BRWD1: variants seen among roughly 807,000 people sequenced by gnomAD.
BRWD1 encodes bromodomain and WD repeat domain containing 1.
BRWD1 carries 82 observed loss-of-function variants against 251.2 expected under a neutral mutation model. The observed-to-expected ratio is 0.33, with a 90% CI of 0.27 to 0.39. The LOEUF (loss-of-function observed/expected upper bound fraction) is 0.39. BRWD1 is among the 10% of genes least tolerant of loss of function. The pLI is 1.00. For missense variants in BRWD1, 2,233 were observed against 2,711.6 expected (o/e 0.82, Z 3.92); for synonymous variants, 918 against 902.8 (o/e 1.02, Z -0.30).
Position 39,193,822 on chromosome 21 carries a change from A to G in BRWD1, c.*2437T>C, listed in dbSNP as rs2031677218. On this transcript the variant is annotated 3_prime_UTR_variant, in exon 41 of 41. Coordinates refer to ENST00000342449, the MANE Select transcript of BRWD1 (RefSeq NM_033656.4). ...AAGGCCAAACATGTTCTAGTGCTCA[A>G]TGTAAACATTTTAACTATTAATGAT... 3 of 985,520 alleles carry G rather than the reference A, an allele frequency of 3.0e-6. No homozygotes were observed. The highest frequency in any genetic ancestry group is 2.4e-6 in the Non-Finnish European group (2 of 829,638). 61.0% of individuals were successfully genotyped at this position (985,520 alleles called of 1,614,324 possible).
intron 21 of BRWD1, among the ~76,000 whole-genome samples, chr21:39,246,883 C>A (rs965723364): frequency 3.3e-5 from 5 of 152,106 alleles, no homozygotes; most frequent in Admixed American, 2.6e-4. Context: ...GAGATCCAGA[C>A]CATCCTAGCC....
chr21:39,278,279 T>C (rs1241282621), intron 10 of BRWD1, among the ~76,000 whole-genome samples: 1 of 152,216 alleles, frequency 6.6e-6, no homozygotes, highest in Non-Finnish European at 1.5e-5. Flanking sequence ...GTTCAAGTTT[T>C]CAGATTTTAT....
At chr21:39,272,956 A>C (rs1044485458) in intron 13 of BRWD1, among the ~76,000 whole-genome samples, 8 of 152,220 alleles carry the variant, frequency 5.3e-5, no homozygotes, top group Non-Finnish European at 1.2e-4. Flanking sequence ...GTTCCATTTC[A>C]TCAAGTTGAT....
upstream of BRWD1, among the ~76,000 whole-genome samples, chr21:39,317,911 A>G (rs1202750115): frequency 1.3e-5 from 2 of 152,062 alleles, no homozygotes. Context: ...TAGTCCATGC[A>G]TGGTGTTGGG....
chr21:39,282,959 CAAAAAAAA>C (rs71269097), intron 8 of BRWD1, among the ~76,000 whole-genome samples: 77 of 88,916 alleles, frequency 8.7e-4, no homozygotes, highest in African/African-American at 3.1e-3. Context: ...AACTCCGTCA[CAAAAAAAA>C]AAAAAAAAAG....
At chr21:39,299,926 G>C (rs1409187103) in intron 4 of BRWD1, among the ~76,000 whole-genome samples, 4 of 152,002 alleles carry the variant, frequency 2.6e-5, no homozygotes, top group Middle Eastern at 3.4e-3. Context: ...AGGTTGCAGT[G>C]AACCAAGATC....
Position 39,269,973 on chromosome 21 carries a change from A to T in BRWD1, c.1456T>A (p.Ser486Thr). 1 of 1,595,342 alleles carries T rather than the reference A, an allele frequency of 6.3e-7. No individual in the cohort carries two copies. The highest frequency in any genetic ancestry group is 8.5e-7 in the Non-Finnish European group (1 of 1,169,990). Residue 486 changes from serine to threonine, a missense_variant, in exon 15 of 41, where the codon TCT (serine) becomes ACT (threonine). This residue lies in a region of BRWD1 where 315 missense variants were observed against 421.8 expected (regional missense o/e 0.75). Transcript: ENST00000342449. Reference sequence around the variant, plus strand: ...AATATGCTGCCATCATGTCCTGCAGATAACATAATTCTGGAATCAAAGGGA... The same window carrying T: ...AATATGCTGCCATCATGTCCTGCAGTTAACATAATTCTGGAATCAAAGGGA... ...THPFDSRIML[S>T]AGHDGSIFIW...
Position 39,194,842 on chromosome 21 carries a change from C to T in BRWD1, c.*1417G>A. The T allele has an allele frequency of 6.5e-7, 1 of 1,533,662 alleles. No individual in the cohort carries two copies. The highest frequency in any genetic ancestry group is 8.7e-7 in the Non-Finnish European group (1 of 1,145,096). ...CACCTTATCTGCCACTTCAAAGATA[C>T]ACAGGAGAAAAGGGTTAATTTTGTC... On this transcript the variant is annotated 3_prime_UTR_variant, in exon 41 of 41. Coordinates refer to ENST00000342449, the MANE Select transcript of BRWD1 (RefSeq NM_033656.4).
At chr21:39,242,710 T>C (rs926743734) in intron 21 of BRWD1, among the ~76,000 whole-genome samples, 3 of 152,208 alleles carry the variant, frequency 2.0e-5, no homozygotes, top group Non-Finnish European at 4.4e-5. Context: ...AGCTGGTAAC[T>C]TTCAACTGAA....
intron 34 of BRWD1, 140 bp from the exon 35 acceptor site, chr21:39,211,069 A>G: frequency 1.2e-6 from 1 of 837,720 alleles, no homozygotes; most frequent in African/African-American, 1.8e-5. Context: ...CAGAAATGAA[A>G]TTTTTAAACT....
chr21:39,211,029 G>A, intron 34 of BRWD1, 100 bp from the exon 35 acceptor site: 1 of 1,191,156 alleles, frequency 8.4e-7, no homozygotes. Flanking sequence ...ATACAATAAT[G>A]TCATATATGT....
At chr21:39,279,664 A>AAAAAAG (rs1568945560) in intron 9 of BRWD1, among the ~76,000 whole-genome samples, 2 of 87,652 alleles carry the variant, frequency 2.3e-5, no homozygotes, top group Non-Finnish European at 3.5e-5. Context: ...AAAGAAAAAA[A>AAAAAAG]AAAAGAAAAC....
At position 39,192,758 on chromosome 21, in the gene BRWD1, C is replaced by G. The variant is rs1555844734; in HGVS notation, c.*3501G>C. On this transcript the variant is annotated 3_prime_UTR_variant, in exon 41 of 41. Transcript: ENST00000342449. The stretch of plus-strand genomic sequence containing the variant: ...TGATACAATGGAGTGGAAAGGAAAA[C>G]AAAAAAGATCGTAAGCACCTTTAAC... 3.0e-6 allele frequency: 3 copies of G among 984,846 alleles called. No homozygotes were observed. Among genetic ancestry groups the G allele is most frequent in the Non-Finnish European group, 3.6e-6 (3 of 829,610 alleles). The allele number at this position is 984,846 out of a possible 1,614,324, so 61.0% of individuals were successfully genotyped here.
rs2035226480 is a variant in BRWD1 at position 39,274,728 on chromosome 21, T to C, written c.1146-256A>G. Among the ~76,000 whole-genome samples, 7 of 152,292 alleles carry C rather than the reference T, an allele frequency of 4.6e-5. No individual in the cohort carries two copies. The South Asian group carries it at 1.4e-3, about 32-fold the overall frequency. Reference sequence around the variant, plus strand: ...ATAGCTTTTCAAACAGATTAAGTTTTGAAAATACAATGTATAAGAATGCTG... The same window carrying C: ...ATAGCTTTTCAAACAGATTAAGTTTCGAAAATACAATGTATAAGAATGCTG... On this transcript the variant is annotated intron_variant, in intron 12 of 40. Transcript: ENST00000342449.
At chr21:39,265,860 G>T (rs899391042) in intron 15 of BRWD1, among the ~76,000 whole-genome samples, 3 of 152,214 alleles carry the variant, frequency 2.0e-5, no homozygotes, top group Admixed American at 1.3e-4. Flanking sequence ...CCCTAACAGA[G>T]ATTTCAGAAA....
chr21:39,237,178 A>G (rs370862310), intron 22 of BRWD1, among the ~76,000 whole-genome samples: 29 of 152,192 alleles, frequency 1.9e-4, no homozygotes, highest in African/African-American at 6.5e-4. Flanking sequence ...TGTTGGAGGA[A>G]GCTGAGGTAT....
At chr21:39,300,694 T>G (rs955073570) in intron 4 of BRWD1, among the ~76,000 whole-genome samples, 1 of 152,030 alleles carries the variant, frequency 6.6e-6, no homozygotes, top group Non-Finnish European at 1.5e-5. Flanking sequence ...CTCAAAAAAA[T>G]GATGAGATAC....
At chr21:39,212,904 C>A (rs2032724514) in intron 33 of BRWD1, among the ~76,000 whole-genome samples, 197 bp from the exon 34 acceptor site, 1 of 151,756 alleles carries the variant, frequency 6.6e-6, no homozygotes, top group South Asian at 2.1e-4. Context: ...CTTAATAATC[C>A]TTTTTCATTC....
intron 8 of BRWD1, among the ~76,000 whole-genome samples, chr21:39,293,234 C>T (rs1255122092): frequency 1.3e-5 from 2 of 152,142 alleles, no homozygotes; most frequent in Non-Finnish European, 2.9e-5. Context: ...GTGGCTCACG[C>T]CTGTAATCCC....
Sources: gnomAD v4.1 joint callset for allele counts (sites outside exome capture counted in the v4.1 genomes callset) on GRCh38, gnomAD v4.1.1 for gene constraint, gnomAD v4.1.1 regional missense constraint, MANE v1.5 for transcripts, NCBI Gene and HGNC (gene_info 2026-07-23, HGNC 2026-07-21) for gene names.